COL28A1: variants seen among roughly 807,000 people sequenced by gnomAD.
The protein encoded by COL28A1 is collagen type XXVIII alpha 1 chain.
Under a neutral mutation model 150.2 loss-of-function variants are expected in COL28A1, and 161 were observed. The observed-to-expected ratio is 1.07, with a 90% confidence interval of 0.94 to 1.22. The LOEUF (loss-of-function observed/expected upper bound fraction) is 1.22, where lower values mean the gene tolerates loss of function less well. Ranked by LOEUF, COL28A1 falls within the 50% of genes most tolerant of loss-of-function variation. COL28A1 has a pLI of 0.00. For missense variants in COL28A1, 1,617 were observed against 1,388.3 expected (o/e 1.16, Z -2.62); for synonymous variants, 552 against 469.7 (o/e 1.18, Z -2.26).
intron 25 of COL28A1, among the ~76,000 whole-genome samples, chr7:7,423,118 A>C (rs1478469017): frequency 6.6e-6 from 1 of 152,236 alleles, no homozygotes; most frequent in African/African-American, 2.4e-5. Flanking sequence ...ATAGTATTGT[A>C]GTCAAGTTTT....
intron 4 of COL28A1, 127 bp from the exon 5 acceptor site, chr7:7,522,088 T>C: frequency 1.4e-6 from 1 of 714,396 alleles, no homozygotes; most frequent in Non-Finnish European, 2.5e-6. Context: ...TTTCAAATTG[T>C]ATTCAGTATA....
chr7:7,452,483 A>G, intron 17 of COL28A1, 96 bp from the exon 18 acceptor site: 1 of 1,460,030 alleles, frequency 6.8e-7, no homozygotes, highest in Non-Finnish European at 9.0e-7. Flanking sequence ...AAAGTAAAAC[A>G]GTTTCATGTG....
At chr7:7,511,413 C>T (rs973264577) in intron 8 of COL28A1, among the ~76,000 whole-genome samples, 1 of 152,088 alleles carries the variant, frequency 6.6e-6, no homozygotes, top group African/African-American at 2.4e-5. Flanking sequence ...AGAAAAGGAA[C>T]CTAGCATCTA....
intron 11 of COL28A1, among the ~76,000 whole-genome samples, chr7:7,503,280 G>C (rs1780634884): frequency 6.6e-6 from 1 of 152,170 alleles, no homozygotes; most frequent in African/African-American, 2.4e-5. Context: ...TGCCTTAGTA[G>C]ACTAATCTGT....
Position 7,358,344 on chromosome 7 carries a change from A to T in COL28A1, c.*289T>A, listed in dbSNP as rs528244070. 3 of 265,124 alleles carry T rather than the reference A, an allele frequency of 1.1e-5. No individual in the cohort carries two copies. Among genetic ancestry groups the T allele is most frequent in the Non-Finnish European group, 2.1e-5 (3 of 140,524 alleles). The allele number at this position is 265,124 out of a possible 1,614,324, so 16.4% of individuals were successfully genotyped here. A position where few individuals can be genotyped will look rare whatever the true frequency, so the allele number is the denominator to read the frequency against. The stretch of plus-strand genomic sequence containing the variant: ...AATCACATTGCAGGTTGTGAAGTAG[A>T]TAGAGTCTGTGTATTGAAGTTACAC... On this transcript the variant is annotated 3_prime_UTR_variant, in exon 35 of 35. Coordinates refer to ENST00000399429, the MANE Select transcript of COL28A1 (RefSeq NM_001037763.3).
intron 24 of COL28A1, 38 bp downstream of exon 24, chr7:7,432,594 C>G: frequency 1.9e-6 from 3 of 1,612,744 alleles, no homozygotes; most frequent in Non-Finnish European, 2.5e-6. Flanking sequence ...ATGCAACACT[C>G]AAAAAGGAGG....
chr7:7,494,267 T>G (rs1193479649), intron 11 of COL28A1, among the ~76,000 whole-genome samples: 2 of 150,732 alleles, frequency 1.3e-5, no homozygotes, highest in African/African-American at 4.9e-5. Flanking sequence ...GGGGTTTGGG[T>G]TTTTTTTTCG....
intron 13 of COL28A1, among the ~76,000 whole-genome samples, chr7:7,480,103 G>T (rs1789265986): frequency 6.6e-6 from 1 of 152,120 alleles, no homozygotes; most frequent in Non-Finnish European, 1.5e-5. Flanking sequence ...GTAATCCAGG[G>T]TGATTTAAGA....
chr7:7,421,344 G>A (rs949200024), intron 25 of COL28A1, among the ~76,000 whole-genome samples: 1 of 152,100 alleles, frequency 6.6e-6, no homozygotes, highest in Admixed American at 6.5e-5. Flanking sequence ...ATTTTACTGG[G>A]GGGATAAAAA....
chr7:7,442,188 C>A (rs551332008), intron 20 of COL28A1, among the ~76,000 whole-genome samples: 26 of 152,306 alleles, frequency 1.7e-4, no homozygotes, highest in African/African-American at 4.8e-4. Flanking sequence ...AATGCACATT[C>A]TTCTTGCCTT....
At chr7:7,523,515 A>G (rs1272442415) in intron 4 of COL28A1, among the ~76,000 whole-genome samples, 2 of 152,082 alleles carry the variant, frequency 1.3e-5, no homozygotes, top group East Asian at 1.9e-4. Context: ...AACATGTACA[A>G]TTCAATAAAA....
chr7:7,416,211 G>A (rs76949775), intron 27 of COL28A1, among the ~76,000 whole-genome samples: 1 of 152,218 alleles, frequency 6.6e-6, no homozygotes, highest in African/African-American at 2.4e-5. Flanking sequence ...GATGGGATAC[G>A]TGGCAGTTTT....
intron 30 of COL28A1, among the ~76,000 whole-genome samples, chr7:7,377,938 G>C (rs983903278): frequency 2.6e-5 from 4 of 151,900 alleles, no homozygotes; most frequent in African/African-American, 9.7e-5. Flanking sequence ...ATGAGGGAAA[G>C]AAGGAGTCTA....
At chr7:7,361,129 C>G (rs1166750432) in intron 33 of COL28A1, among the ~76,000 whole-genome samples, 2 of 130,562 alleles carry the variant, frequency 1.5e-5, no homozygotes, top group African/African-American at 5.6e-5. Context: ...ATTATCAGAC[C>G]CCAGCTAATA....
rs1781347319 is a variant in COL28A1 at position 7,373,494 on chromosome 7, G to C, written c.2412C>G (p.Asp804Glu). The change falls in exon 32 of 35, where the codon GAC becomes GAG. Residue 804 changes from aspartate to glutamate, a missense_variant. Physicochemically the swap from Asp to Glu is conservative, Grantham distance 45. Transcript: ENST00000399429. The surrounding 1 kb of genome is among the most constrained non-coding windows in gnomAD (Gnocchi z 4.1). ...ETPLELVFVI[D>E]SSESVGPENF... ...TCTCTGGCCCCACGCTTTCTGAGCT[G>C]TCGATCACAAACACCAGCTCTAGTG... 1 of 1,613,884 alleles carries C rather than the reference G, an allele frequency of 6.2e-7. No individual in the cohort carries two copies. Among genetic ancestry groups the C allele is most frequent in the African/African-American group, 1.3e-5 (1 of 74,906 alleles).
rs555865085 is a variant in COL28A1 at position 7,397,677 on chromosome 7, T to C, written c.2137-16065A>G. Among the ~76,000 whole-genome samples the C allele has an allele frequency of 2.3e-4, 35 of 152,340 alleles. 1 individual carries two copies. The South Asian group carries it at 3.7e-3, about 16-fold the overall frequency. On this transcript the variant is annotated intron_variant, in intron 27 of 34. Coordinates refer to ENST00000399429, the MANE Select transcript of COL28A1 (RefSeq NM_001037763.3). ...ACTTCTCAGGCGTGAGCTTCAACTA[T>C]TGCTATCTGGATTTGCTCCATAGGG... is the stretch of plus-strand genomic sequence containing the variant.
chr7:7,463,664 A>G (rs1787821487), intron 15 of COL28A1, among the ~76,000 whole-genome samples: 1 of 152,220 alleles, frequency 6.6e-6, no homozygotes, highest in Non-Finnish European at 1.5e-5. Flanking sequence ...AAGAACTGCC[A>G]AAAGGAGCTC....
chr7:7,430,779 G>A (rs1474652297), intron 25 of COL28A1, among the ~76,000 whole-genome samples: 1 of 151,780 alleles, frequency 6.6e-6, no homozygotes, highest in East Asian at 1.9e-4. Flanking sequence ...ATTTTGACAG[G>A]TGCTATGCCT....
At chr7:7,537,707 G>A (rs1239704803), upstream of COL28A1, among the ~76,000 whole-genome samples, 5 of 152,204 alleles carry the variant, frequency 3.3e-5, no homozygotes. Flanking sequence ...AACTGAGGAA[G>A]TTTTGTGAGG....
Sources: gnomAD v4.1 joint callset for allele counts (sites outside exome capture counted in the v4.1 genomes callset) on GRCh38, gnomAD v4.1.1 for gene constraint, Gnocchi (gnomAD v3.1) non-coding constraint, MANE v1.5 for transcripts, NCBI Gene and HGNC (gene_info 2026-07-23, HGNC 2026-07-21) for gene names.